The following FCHO2 variants were observed in gnomAD, a reference collection of about 807,000 sequenced individuals.
FCHO2 encodes FCH and mu domain containing endocytic adaptor 2.
A neutral mutation model predicts 114.1 loss-of-function variants in FCHO2; 43 were observed. The observed-to-expected ratio is 0.38, with a 90% CI of 0.30 to 0.49. The LOEUF (loss-of-function observed/expected upper bound fraction) is 0.49, where lower values mean the gene tolerates loss of function less well. Ranked by LOEUF, FCHO2 falls within the 20% of genes least tolerant of loss-of-function variation. The probability of loss-of-function intolerance (pLI) is 0.97; values close to 1 mark genes in which losing one functional copy is unlikely to be tolerated. For synonymous variants in FCHO2, 293 were observed against 315.2 expected (o/e 0.93, Z 0.75); for missense variants, 807 against 950.4 (o/e 0.85, Z 1.98).
At chr5:73,047,738 C>G (rs935096085) in intron 11 of FCHO2, among the ~76,000 whole-genome samples, 1 of 152,110 alleles carries the variant, frequency 6.6e-6, no homozygotes, top group Non-Finnish European at 1.5e-5. Context: ...TAAGTCATCT[C>G]TAGACTACTT....
intron 5 of FCHO2, among the ~76,000 whole-genome samples, chr5:72,997,935 C>A (rs532459339): frequency 1.5e-4 from 23 of 151,826 alleles, no homozygotes; most frequent in Non-Finnish European, 5.9e-5. Flanking sequence ...TGTGGTGGAG[C>A]GGCAGGACCC....
At chr5:72,997,301 A>G in intron 5 of FCHO2, 1 of 1,531,420 alleles carries the variant, frequency 6.5e-7, no homozygotes, top group Non-Finnish European at 9.0e-7. Context: ...GGTAGTGTTT[A>G]TAGCAAGCAT....
intron 18 of FCHO2, among the ~76,000 whole-genome samples, chr5:73,066,563 G>A (rs1335509684): frequency 6.8e-6 from 1 of 146,634 alleles, no homozygotes; most frequent in Non-Finnish European, 1.5e-5. Context: ...GCTGTACATT[G>A]GAGTGCCTTT....
rs1751515499 is a variant in FCHO2, at chr5:72,956,117, C to T, written c.21C>T (p.Val7=). 1 of 1,541,692 alleles carries T rather than the reference C, an allele frequency of 6.5e-7. No individual in the cohort carries two copies. Among genetic ancestry groups the T allele is most frequent in the East Asian group, 2.5e-5 (1 of 39,618 alleles). Reference sequence around the variant, plus strand: ...GCACGATGGTCATGGCGTATTTCGTCGAGAATTTTTGGGTAAGCTTAGGAT... The same window carrying T: ...GCACGATGGTCATGGCGTATTTCGTTGAGAATTTTTGGGTAAGCTTAGGAT... The part of the protein sequence containing the change: MVMAYF[V]ENFWGEKNSG... The change falls in exon 1 of 26, where the codon GTC becomes GTT. Residue 7 remains valine, a synonymous_variant. Coordinates refer to ENST00000430046, the MANE Select transcript of FCHO2 (RefSeq NM_138782.3).
intron 9 of FCHO2, among the ~76,000 whole-genome samples, chr5:73,035,041 C>G (rs1036064580): frequency 6.6e-6 from 1 of 152,080 alleles, no homozygotes; most frequent in East Asian, 1.9e-4. Flanking sequence ...ATGTTTAAGC[C>G]ATATTCAGGA....
chr5:72,961,111 AC>A (rs1308816880), intron 1 of FCHO2, among the ~76,000 whole-genome samples: 1 of 152,100 alleles, frequency 6.6e-6, no homozygotes, highest in Admixed American at 6.5e-5. Context: ...TTGGTTATAT[AC>A]CCAAAATTTG....
chr5:73,065,456 ATATAGT>A (rs1480645323), intron 18 of FCHO2, among the ~76,000 whole-genome samples: 2 of 152,046 alleles, frequency 1.3e-5, no homozygotes, highest in Admixed American at 1.3e-4. Context: ...AGGCAGTAAA[ATATAGT>A]TAAAAGTACA....
chr5:73,017,108 T>G, intron 7 of FCHO2, 104 bp from the exon 8 acceptor site: 1 of 687,404 alleles, frequency 1.5e-6, no homozygotes. Flanking sequence ...GGGTCAAAAA[T>G]ACATATTTTG....
intron 16 of FCHO2, among the ~76,000 whole-genome samples, chr5:73,058,220 G>C (rs542576002): frequency 2.0e-5 from 3 of 151,986 alleles, no homozygotes; most frequent in East Asian, 1.9e-4. Context: ...ATGTTGCCTA[G>C]GCTTGATCTT....
chr5:73,001,905 C>CAA (rs759275812), intron 5 of FCHO2, among the ~76,000 whole-genome samples: 6 of 77,066 alleles, frequency 7.8e-5, no homozygotes, highest in African/African-American at 1.5e-4. Context: ...TACCCTGTCT[C>CAA]AAAAAAAAAA....
intron 6 of FCHO2, among the ~76,000 whole-genome samples, chr5:73,010,322 T>C (rs1754935134): frequency 6.6e-6 from 1 of 152,212 alleles, no homozygotes; most frequent in Non-Finnish European, 1.5e-5. Context: ...TTTATGCTCA[T>C]GCTTTTACCA....
In FCHO2 at chr5:73,077,409, A is replaced by G. The variant is rs1385201740; in HGVS notation, c.1763A>G (p.Asn588Ser). ...GGAATTATTAAAGTCTTCACCAGCA[A>G]TCCAACTCCAGCTGTGTTGTGCTTC... ...PSGIIKVFTS[N>S]PTPAVLCFRV... Residue 588 changes from asparagine (N) to serine (S), a missense_variant, in exon 21 of 26, where the codon AAT (asparagine) becomes AGT (serine). Transcript: ENST00000430046. 6.3e-7 allele frequency: 1 copy of G among 1,594,612 alleles called. No homozygotes were observed. The highest frequency in any genetic ancestry group is 1.1e-5 in the South Asian group (1 of 87,838).
At chr5:73,005,093 A>G (rs1352691162) in intron 5 of FCHO2, among the ~76,000 whole-genome samples, 1 of 152,124 alleles carries the variant, frequency 6.6e-6, no homozygotes, top group Non-Finnish European at 1.5e-5. Context: ...GTGGCATCCT[A>G]TATTCTTTAA....
At position 73,051,446 on chromosome 5, in the gene FCHO2, G is replaced by A. The variant is rs1182934844; in HGVS notation, c.997+40G>A. The A allele has an allele frequency of 3.0e-6, 4 of 1,319,296 alleles. No homozygotes were observed. The Admixed American group carries it at 9.7e-5, about 32-fold the overall frequency. 81.7% of individuals were successfully genotyped at this position (1,319,296 alleles called of 1,614,324 possible). A position where few individuals can be genotyped will look rare whatever the true frequency, so the allele number is the denominator to read the frequency against. ...TCTAGTATTCTTAAGGATTATGTTG[G>A]CATATAAGTAGGCAGTTATAAGAAA... On this transcript the variant is annotated intron_variant, in intron 12 of 25. Transcript: ENST00000430046.
At chr5:72,989,543 A>G (rs1396802849) in intron 3 of FCHO2, 42 bp downstream of exon 3, 18 of 1,503,724 alleles carry the variant, frequency 1.2e-5, no homozygotes, top group Admixed American at 3.8e-5. Flanking sequence ...TATTTAGGCA[A>G]AGTTCTTAAG....
At chr5:72,975,964 G>C (rs879318212) in intron 2 of FCHO2, among the ~76,000 whole-genome samples, 1 of 152,164 alleles carries the variant, frequency 6.6e-6, no homozygotes, top group Admixed American at 6.6e-5. Context: ...GTGAACATAA[G>C]TTTTAATTTA....
At chr5:73,006,984 G>A (rs1331190580) in intron 6 of FCHO2, among the ~76,000 whole-genome samples, 2 of 152,182 alleles carry the variant, frequency 1.3e-5, no homozygotes, top group Non-Finnish European at 2.9e-5. Flanking sequence ...ATTATATTTG[G>A]TGTAGTGTTC....
intron 9 of FCHO2, among the ~76,000 whole-genome samples, chr5:73,035,428 A>G (rs969619710): frequency 6.6e-6 from 1 of 151,988 alleles, no homozygotes; most frequent in Non-Finnish European, 1.5e-5. Flanking sequence ...CAAAAACAAC[A>G]ACAAAAACCC....
At chr5:73,020,600 G>C in intron 8 of FCHO2, 1 of 698,784 alleles carries the variant, frequency 1.4e-6, no homozygotes, top group Non-Finnish European at 2.6e-6. Flanking sequence ...TTTGGGAGAA[G>C]GGGAATGATG....
Sources: gnomAD v4.1 joint callset for allele counts (sites outside exome capture counted in the v4.1 genomes callset) on GRCh38, gnomAD v4.1.1 for gene constraint, MANE v1.5 for transcripts, NCBI Gene and HGNC (gene_info 2026-07-23, HGNC 2026-07-21) for gene names.